The following ADGRL3 variants were observed in gnomAD, a reference collection of about 807,000 sequenced individuals.
The protein encoded by ADGRL3 is calcium-independent alpha-latrotoxin receptor 3.
ADGRL3 carries 62 observed loss-of-function variants against 153.5 expected under a neutral mutation model. The observed-to-expected ratio is 0.40, with a 90% CI of 0.33 to 0.50. The LOEUF is 0.50. ADGRL3 is among the 20% of genes least tolerant of loss of function. The pLI is 0.47. For missense variants in ADGRL3, 1,641 were observed against 1,859.4 expected, an observed-to-expected ratio of 0.88 and a Z score of 2.16; for synonymous variants, 710 against 672.5, an observed-to-expected ratio of 1.06 and a Z score of -0.86.
At chr4:61,239,185 T>A (rs1577948616) in intron 1 of ADGRL3, among the ~76,000 whole-genome samples, 1 of 152,106 alleles carries the variant, frequency 6.6e-6, no homozygotes, top group Non-Finnish European at 1.5e-5. Context: ...GTTAGGAGAG[T>A]CAAAGCATGA....
At chr4:61,617,638 A>C (rs2149783608) in intron 5 of ADGRL3, among the ~76,000 whole-genome samples, 1 of 152,350 alleles carries the variant, frequency 6.6e-6, no homozygotes, top group South Asian at 2.1e-4. Context: ...AAATGGGATA[A>C]GTAAGAGGTA....
intron 4 of ADGRL3, among the ~76,000 whole-genome samples, chr4:61,528,556 A>T (rs1000962081): frequency 6.6e-6 from 1 of 152,118 alleles, no homozygotes; most frequent in African/African-American, 2.4e-5. Flanking sequence ...ATTTATATAG[A>T]TTCAACAATA....
At chr4:61,292,627 T>A (rs2094263715) in intron 1 of ADGRL3, among the ~76,000 whole-genome samples, 1 of 152,026 alleles carries the variant, frequency 6.6e-6, no homozygotes, top group Admixed American at 6.6e-5. Flanking sequence ...CGTACTAGAG[T>A]GAATAACACA....
intron 2 of ADGRL3, among the ~76,000 whole-genome samples, chr4:61,416,861 T>G (rs1012101317): frequency 6.6e-6 from 1 of 152,124 alleles, no homozygotes; most frequent in African/African-American, 2.4e-5. Context: ...TAATATATAA[T>G]GAAATAATTA....
At chr4:62,013,130 G>A (rs1358464319) in intron 21 of ADGRL3, among the ~76,000 whole-genome samples, 1 of 152,160 alleles carries the variant, frequency 6.6e-6, no homozygotes, top group African/African-American at 2.4e-5. Context: ...AGGGAGTTGT[G>A]ATGGGAAAGA....
intron 18 of ADGRL3, among the ~76,000 whole-genome samples, chr4:61,980,620 T>C (rs899448574): frequency 4.6e-5 from 7 of 151,912 alleles, no homozygotes; most frequent in Non-Finnish European, 8.8e-5. Flanking sequence ...TTTGTATTTT[T>C]AGTAGAGACA....
chr4:62,062,069 C>T (rs1740506290), intron 25 of ADGRL3, among the ~76,000 whole-genome samples: 1 of 152,012 alleles, frequency 6.6e-6, no homozygotes. Context: ...TGCTATTTTA[C>T]ATTCCTACCA....
At chr4:61,360,038 A>G (rs2096259496) in intron 1 of ADGRL3, among the ~76,000 whole-genome samples, 1 of 152,166 alleles carries the variant, frequency 6.6e-6, no homozygotes, top group Non-Finnish European at 1.5e-5. Context: ...ATGGAATAAA[A>G]TGTCTTCTAA....
At chr4:61,712,853 C>T (rs945172322) in intron 6 of ADGRL3, among the ~76,000 whole-genome samples, 1 of 152,116 alleles carries the variant, frequency 6.6e-6, no homozygotes, top group Non-Finnish European at 1.5e-5. Flanking sequence ...TCTCTGTATA[C>T]ATTTATGTTC....
At chr4:61,525,837 A>G (rs2098555562) in intron 4 of ADGRL3, among the ~76,000 whole-genome samples, 2 of 152,146 alleles carry the variant, frequency 1.3e-5, no homozygotes, top group Non-Finnish European at 2.9e-5. Flanking sequence ...CAGGAAAAAA[A>G]TAATGGTGAA....
At chr4:62,014,542 G>T (rs372869325) in intron 21 of ADGRL3, among the ~76,000 whole-genome samples, 8 of 152,104 alleles carry the variant, frequency 5.3e-5, no homozygotes, top group African/African-American at 1.7e-4. Flanking sequence ...TATTCATGCA[G>T]TCACTTACAA....
chr4:62,063,248 C>G (rs1219695602), intron 25 of ADGRL3, among the ~76,000 whole-genome samples: 2 of 151,912 alleles, frequency 1.3e-5, no homozygotes, highest in Non-Finnish European at 1.5e-5. Context: ...TTGCATACAC[C>G]TTGGGAAAGA....
intron 8 of ADGRL3, among the ~76,000 whole-genome samples, chr4:61,762,017 G>T (rs1201203581): frequency 6.6e-6 from 1 of 152,196 alleles, no homozygotes; most frequent in Non-Finnish European, 1.5e-5. Flanking sequence ...TATGTTTCAT[G>T]AATTTGTTTG....
intron 2 of ADGRL3, among the ~76,000 whole-genome samples, chr4:61,457,987 C>T (rs960499139): frequency 8.6e-5 from 13 of 151,686 alleles, no homozygotes; most frequent in Admixed American, 2.0e-4. Context: ...ATCTATAATT[C>T]AGTCTTATTG....
intron 1 of ADGRL3, among the ~76,000 whole-genome samples, chr4:61,373,239 T>G (rs2096562095): frequency 6.6e-6 from 1 of 152,214 alleles, no homozygotes; most frequent in Non-Finnish European, 1.5e-5. Flanking sequence ...TTCGGCCATC[T>G]TGGCTCCTCT....
intron 5 of ADGRL3, among the ~76,000 whole-genome samples, chr4:61,662,933 T>A (rs774216663): frequency 9.9e-5 from 15 of 152,140 alleles, no homozygotes; most frequent in Non-Finnish European, 1.9e-4. Context: ...AGCTACCCAC[T>A]GTGGGTCTCC....
chr4:62,065,248 C>A (rs1046228048), intron 25 of ADGRL3, among the ~76,000 whole-genome samples: 2 of 151,990 alleles, frequency 1.3e-5, no homozygotes, highest in Admixed American at 1.3e-4. Flanking sequence ...TTCCTTTAGT[C>A]TTCCATTTCT....
chr4:61,981,727 A>T (rs2099069110), intron 18 of ADGRL3, among the ~76,000 whole-genome samples: 1 of 152,304 alleles, frequency 6.6e-6, no homozygotes, highest in East Asian at 1.9e-4. Flanking sequence ...GCAAAATAGC[A>T]GAAAAGTTTC....
At chr4:61,549,267 G>A (rs78491226) in intron 4 of ADGRL3, among the ~76,000 whole-genome samples, 1 of 151,812 alleles carries the variant, frequency 6.6e-6, no homozygotes, top group East Asian at 1.9e-4. Flanking sequence ...CTGCAAACAG[G>A]GATAATTTGA....
Sources: gnomAD v4.1 joint callset for allele counts (sites outside exome capture counted in the v4.1 genomes callset) on GRCh38, gnomAD v4.1.1 for gene constraint, MANE v1.5 for transcripts, NCBI Gene and HGNC (gene_info 2026-07-23, HGNC 2026-07-21) for gene names.